Variants in PRKN observed in about 807,000 individuals in gnomAD.
The protein encoded by PRKN is E3 ubiquitin-protein ligase parkin.
Under a neutral mutation model 59.5 loss-of-function variants are expected in PRKN, and 56 were observed. The ratio of observed to expected loss-of-function variants is 0.94; its 90% CI spans 0.76 to 1.18. The LOEUF (loss-of-function observed/expected upper bound fraction) is 1.18. Ranked by LOEUF, PRKN falls within the 50% of genes most tolerant of loss-of-function variation. The probability of loss-of-function intolerance (pLI) is 0.00; values close to 1 mark genes in which losing one functional copy is unlikely to be tolerated. For synonymous variants in PRKN, 250 were observed against 222.1 expected (o/e 1.13, Z -1.12); for missense variants, 657 against 596.4 (o/e 1.10, Z -1.06).
intron 1 of PRKN, chr6:162,624,440 A>G (rs1782804224): frequency 6.6e-6 from 1 of 152,206 alleles, no homozygotes; most frequent in African/African-American, 2.4e-5. Context: ...AGCAATGCAA[A>G]GCACTTTGAG....
intron 1 of PRKN, among the ~76,000 whole-genome samples, chr6:162,482,135 C>A (rs1196577139): frequency 1.3e-5 from 2 of 152,080 alleles, no homozygotes; most frequent in African/African-American, 2.4e-5. Flanking sequence ...GTGTGATAAC[C>A]TTATCTCCTG....
At chr6:162,286,888 C>G (rs1562641864) in intron 2 of PRKN, among the ~76,000 whole-genome samples, 2 of 152,220 alleles carry the variant, frequency 1.3e-5, no homozygotes, top group African/African-American at 4.8e-5. Flanking sequence ...AGGGATATCA[C>G]TGGATTTGCA....
chr6:162,599,668 C>G (rs781513741), intron 1 of PRKN, among the ~76,000 whole-genome samples: 1 of 152,108 alleles, frequency 6.6e-6, no homozygotes, highest in Admixed American at 6.6e-5. Context: ...TCAGGGTACA[C>G]GACAGCACAC....
At chr6:162,491,677 G>T (rs1583663403) in intron 1 of PRKN, among the ~76,000 whole-genome samples, 1 of 152,304 alleles carries the variant, frequency 6.6e-6, no homozygotes, top group South Asian at 2.1e-4. Flanking sequence ...CTTGACTAGG[G>T]AGAACCAGTC....
chr6:161,744,658 T>C (rs1002710437), intron 7 of PRKN, among the ~76,000 whole-genome samples: 1 of 152,236 alleles, frequency 6.6e-6, no homozygotes, highest in Non-Finnish European at 1.5e-5. Flanking sequence ...CCAGGCAGCA[T>C]TGACTCGTGG....
In PRKN at chr6:162,105,629, A is replaced by C. The variant is rs1780163480; in HGVS notation, c.535-51455T>G. ...TGGCCAGGCGGGTCTCAAACTCCTG[A>C]CCTCACGTGATCCACCTGCCTTGGT... On this transcript the variant is annotated intron_variant, in intron 4 of 11. Transcript: ENST00000366898. 1.3e-5 allele frequency among the ~76,000 whole-genome samples: 2 copies of C among 152,120 alleles called. 1 individual carries two copies. The highest frequency in any genetic ancestry group is 4.1e-4 in the South Asian group (2 of 4,830).
At position 161,646,358 on chromosome 6, in the gene PRKN, G is replaced by A. The variant is rs567792133; in HGVS notation, c.872-76942C>T. Among the ~76,000 whole-genome samples, 181 of 111,612 alleles carry A rather than the reference G, an allele frequency of 1.6e-3. 2 individuals carry two copies. Among genetic ancestry groups the A allele is most frequent in the African/African-American group, 6.0e-3 (169 of 28,044 alleles). 73.2% of individuals were successfully genotyped at this position (111,612 alleles called of 152,430 possible). A position where few individuals can be genotyped will look rare whatever the true frequency, so the allele number is the denominator to read the frequency against. On this transcript the variant is annotated intron_variant, in intron 7 of 11. Coordinates refer to ENST00000366898, the MANE Select transcript of PRKN (RefSeq NM_004562.3). ...GTGCGTGCGTGGCGGAGGAGGTGGC[G>A]TATGAGTGACAGTGGTGACTGCGTG... is the stretch of plus-strand genomic sequence containing the variant.
At chr6:162,468,935 A>C (rs1217490009) in intron 1 of PRKN, among the ~76,000 whole-genome samples, 1 of 152,334 alleles carries the variant, frequency 6.6e-6, no homozygotes, top group East Asian at 1.9e-4. Flanking sequence ...AAGAGATGAT[A>C]GGTATCTCAA....
At position 161,707,936 on chromosome 6, in the gene PRKN, C is replaced by T. The variant is rs140762915; in HGVS notation, c.871+77836G>A. On this transcript the variant is annotated intron_variant, in intron 7 of 11. Transcript: ENST00000366898. ...AGAAATTCTCCTTAATAATGCCCTT[C>T]TCTGAAAGTCTAAAAATGATCTAAA... Among the ~76,000 whole-genome samples the T allele has an allele frequency of 4.0e-3, 613 of 152,264 alleles. 4 individuals are homozygous for T. The highest frequency in any genetic ancestry group is 6.6e-3 in the Non-Finnish European group (449 of 68,028).
chr6:161,986,751 TC>T (rs973491975), intron 5 of PRKN, among the ~76,000 whole-genome samples: 1 of 148,074 alleles, frequency 6.8e-6, no homozygotes, highest in Non-Finnish European at 1.5e-5. Context: ...ATTTGGAAAA[TC>T]CCCCCCACTC....
intron 7 of PRKN, among the ~76,000 whole-genome samples, chr6:161,730,457 G>A (rs1338965521): frequency 2.0e-5 from 3 of 148,624 alleles, no homozygotes; most frequent in East Asian, 4.0e-4. Context: ...TCTTTTTGAT[G>A]TGTTCCATTC....
intron 5 of PRKN, among the ~76,000 whole-genome samples, chr6:162,029,711 C>T (rs895623856): frequency 4.6e-5 from 7 of 152,148 alleles, no homozygotes; most frequent in African/African-American, 1.4e-4. Flanking sequence ...GCTTAATTGT[C>T]CTGGATTATC....
At chr6:162,302,614 T>C (rs1175414308) in intron 2 of PRKN, among the ~76,000 whole-genome samples, 1 of 152,010 alleles carries the variant, frequency 6.6e-6, no homozygotes, top group East Asian at 1.9e-4. Context: ...TACCTGAGCT[T>C]GGAGAATGAC....
chr6:161,513,257 T>A (rs12200329), intron 9 of PRKN, among the ~76,000 whole-genome samples: 24,490 of 152,230 alleles, frequency 0.16, 2,401 homozygotes, highest in Middle Eastern at 0.28. Flanking sequence ...GCTTTGTTTT[T>A]TGAGATGGGG....
chr6:161,368,307 TTG>T (rs1269794932), intron 10 of PRKN, among the ~76,000 whole-genome samples: 7 of 124,152 alleles, frequency 5.6e-5, no homozygotes, highest in African/African-American at 2.0e-4. Flanking sequence ...TTATATATAT[TTG>T]TATATATATT....
At chr6:161,877,979 C>CAG (rs1794798665) in intron 6 of PRKN, among the ~76,000 whole-genome samples, 1 of 151,862 alleles carries the variant, frequency 6.6e-6, no homozygotes, top group African/African-American at 2.4e-5. Context: ...GATGTGATAA[C>CAG]AGCTAAGCCA....
intron 6 of PRKN, among the ~76,000 whole-genome samples, chr6:161,815,371 C>A (rs1282520239): frequency 6.6e-6 from 1 of 152,204 alleles, no homozygotes; most frequent in East Asian, 1.9e-4. Flanking sequence ...TTCACCTATA[C>A]AAAGAAAAGT....
At chr6:161,843,843 G>A (rs1411312327) in intron 6 of PRKN, among the ~76,000 whole-genome samples, 4 of 152,002 alleles carry the variant, frequency 2.6e-5, no homozygotes, top group African/African-American at 4.8e-5. Flanking sequence ...GTACAGCTAC[G>A]ATCATGTTGG....
chr6:162,307,689 T>C (rs111859811), intron 2 of PRKN, among the ~76,000 whole-genome samples: 5,776 of 152,202 alleles, frequency 0.038, 348 homozygotes, highest in African/African-American at 0.13. Flanking sequence ...TCCTAAATGA[T>C]GGAGACATGA....
Sources: gnomAD v4.1 joint callset for allele counts (sites outside exome capture counted in the v4.1 genomes callset) on GRCh38, gnomAD v4.1.1 for gene constraint, MANE v1.5 for transcripts, NCBI Gene and HGNC (gene_info 2026-07-23, HGNC 2026-07-21) for gene names.